The following SSBP4 variants were observed in gnomAD, a reference collection of about 807,000 sequenced individuals.
The protein encoded by SSBP4 is single stranded DNA binding protein 4, also known as single-stranded DNA-binding protein 4.
Under a neutral mutation model 64.6 loss-of-function variants are expected in SSBP4, and 33 were observed. That is an observed-to-expected ratio of 0.51 (90% CI 0.39 to 0.68). The LOEUF (loss-of-function observed/expected upper bound fraction) is 0.68, where lower values mean the gene tolerates loss of function less well. Among genes scored for constraint, SSBP4 ranks in the 30% least tolerant of loss-of-function variants. The probability of loss-of-function intolerance (pLI) is 0.00; values close to 1 mark genes in which losing one functional copy is unlikely to be tolerated. For missense variants in SSBP4, 583 were observed against 566.8 expected, an observed-to-expected ratio of 1.03 and a Z score of -0.29; for synonymous variants, 243 against 224.0, an observed-to-expected ratio of 1.08 and a Z score of -0.76.
At chr19:18,432,240 T>C in intron 10 of SSBP4, 26 bp downstream of exon 10, 1 of 1,608,694 alleles carries the variant, frequency 6.2e-7, no homozygotes, top group Non-Finnish European at 8.5e-7. Flanking sequence ...ATCCTAGGAG[T>C]GTGCAGTTCG....
chr19:18,431,321 T>G, intron 5 of SSBP4, 32 bp from the exon 6 acceptor site: 1 of 369,190 alleles, frequency 2.7e-6, no homozygotes, highest in East Asian at 4.8e-5. Context: ...AGGGCCTCAC[T>G]CCCCCCCACC....
Position 18,433,812 on chromosome 19 carries a change from G to A in SSBP4, c.1123G>A (p.Glu375Lys), listed in dbSNP as rs1600375417. Residue 375 changes from glutamate to lysine, a missense_variant, in exon 17 of 18, where the codon GAA becomes AAA. By Grantham distance (56) the Glu-to-Lys change is moderately conservative (BLOSUM62 1). Coordinates refer to ENST00000270061, the MANE Select transcript of SSBP4 (RefSeq NM_032627.5). ...AGTFLHPFPSESYSPGMTMSV is the reference protein window; with the variant it reads ...AGTFLHPFPSKSYSPGMTMSV ...GACCTTCCTGCACCCGTTCCCGAGC[G>A]AAAGCGTAAGCGACTGCGTCGACTC... 1.4e-6 allele frequency: 2 copies of A among 1,383,988 alleles called. No individual in the cohort carries two copies. Among genetic ancestry groups the A allele is most frequent in the Non-Finnish European group, 1.9e-6 (2 of 1,068,518 alleles). The allele number at this position is 1,383,988 out of a possible 1,614,324, so 85.7% of individuals were successfully genotyped here.
intron 1 of SSBP4, among the ~76,000 whole-genome samples, chr19:18,422,556 G>C (rs1421125857): frequency 2.6e-5 from 4 of 152,222 alleles, no homozygotes; most frequent in African/African-American, 9.7e-5. Context: ...GGACACCAGG[G>C]CCCTGGAGAG....
intron 1 of SSBP4, among the ~76,000 whole-genome samples, chr19:18,422,624 C>G (rs1039321507): frequency 2.0e-5 from 3 of 152,200 alleles, no homozygotes; most frequent in Non-Finnish European, 4.4e-5. Context: ...AGAGGCAGCC[C>G]CAGGCCTCAG....
chr19:18,411,388 G>A, the SSBP4 span, among the ~76,000 whole-genome samples: 5 of 152,102 alleles, frequency 3.3e-5, no homozygotes, highest in Non-Finnish European at 5.9e-5. Flanking sequence ...CCAGCTACTC[G>A]GGAGGCTGAG....
At chr19:18,421,896 G>A (rs1025568571) in intron 1 of SSBP4, among the ~76,000 whole-genome samples, 8 of 152,192 alleles carry the variant, frequency 5.3e-5, no homozygotes, top group Non-Finnish European at 8.8e-5. Context: ...GGTGGCTCAC[G>A]CCTATAATCA....
chr19:18,416,325 G>C (rs1355817782), upstream of SSBP4, among the ~76,000 whole-genome samples: 1 of 151,982 alleles, frequency 6.6e-6, no homozygotes, highest in Admixed American at 6.5e-5. Context: ...GGTTTTTTTA[G>C]TTTTTAGTAA....
At chr19:18,413,405 G>A in the SSBP4 span, among the ~76,000 whole-genome samples, 1 of 152,066 alleles carries the variant, frequency 6.6e-6, no homozygotes. Context: ...GTAGAAATGG[G>A]GTTTCACCAT....
the SSBP4 span, among the ~76,000 whole-genome samples, chr19:18,409,462 C>G: frequency 6.6e-6 from 1 of 152,130 alleles, no homozygotes; most frequent in African/African-American, 2.4e-5. Flanking sequence ...GTTGGTATTA[C>G]AGGCGTGAGC....
chr19:18,407,625 G>A, the SSBP4 span, among the ~76,000 whole-genome samples: 6 of 150,840 alleles, frequency 4.0e-5, no homozygotes, highest in South Asian at 4.2e-4. Context: ...TAGAGACGGG[G>A]TTTCACTGTG....
In SSBP4 at chr19:18,427,697, G is replaced by A. The variant is rs1972958762; in HGVS notation, c.133-55G>A. On this transcript the variant is annotated intron_variant, in intron 2 of 17. Coordinates refer to ENST00000270061, the MANE Select transcript of SSBP4 (RefSeq NM_032627.5). The surrounding 1 kb of genome is among the most constrained non-coding windows in gnomAD (Gnocchi z 4.4). ...AGATGTTCTCTGGGCACCCTGCTGG[G>A]TGGTGGGGCAGGGTCAGGTAGGGCC... is the stretch of plus-strand genomic sequence containing the variant. 1.3e-6 allele frequency: 2 copies of A among 1,532,678 alleles called. No homozygotes were observed. The highest frequency in any genetic ancestry group is 1.9e-5 in the Admixed American group (1 of 52,896). The allele number at this position is 1,532,678 out of a possible 1,614,324, so 94.9% of individuals were successfully genotyped here.
rs1973514736 is a variant in SSBP4 at position 18,432,619 on chromosome 19, G to T, written c.750+15G>T. ...GTGGAAACTCGGTGAGCCTATGGCTGGGTGGGCAGGCTTGGGGTGGGGTGG... is the reference window on the plus strand; with the variant it reads ...GTGGAAACTCGGTGAGCCTATGGCTTGGTGGGCAGGCTTGGGGTGGGGTGG... On this transcript the variant is annotated intron_variant, in intron 11 of 17. Coordinates refer to ENST00000270061, the MANE Select transcript of SSBP4 (RefSeq NM_032627.5). The T allele has an allele frequency of 3.8e-6, 6 of 1,559,732 alleles. No homozygotes were observed. Among genetic ancestry groups the T allele is most frequent in the Non-Finnish European group, 4.4e-6 (5 of 1,149,080 alleles).
At chr19:18,414,041 C>T (rs779879364), upstream of SSBP4, among the ~76,000 whole-genome samples, 4 of 149,904 alleles carry the variant, frequency 2.7e-5, no homozygotes, top group Non-Finnish European at 4.4e-5. Context: ...ACAAAAAAAA[C>T]GGCATTCCCT....
Position 18,423,969 on chromosome 19 carries a change from T to C in SSBP4, c.60-3382T>C, listed in dbSNP as rs1972653635. ...CCCCAACCGGTGGCGCCCCCAGACC[T>C]GGCCCCCGGAGCAGTCCTCTGGGAG... On this transcript the variant is annotated intron_variant, in intron 1 of 17. Transcript: ENST00000270061. This position sits in a 1 kb window ranked among gnomAD's most constrained non-coding sequence, Gnocchi z 4.0. Among the ~76,000 whole-genome samples the C allele has an allele frequency of 6.6e-6, 1 of 152,144 alleles. No individual in the cohort carries two copies. The highest frequency in any genetic ancestry group is 1.5e-5 in the Non-Finnish European group (1 of 68,016).
At chr19:18,404,708 C>A in the SSBP4 span, among the ~76,000 whole-genome samples, 1 of 149,906 alleles carries the variant, frequency 6.7e-6, no homozygotes, top group African/African-American at 2.5e-5. Context: ...CTGGCTAACA[C>A]GGTGAAACCC....
rs747862831 is a variant in SSBP4, at chr19:18,433,651, GGGGGGTGGCGGGGA to G, written c.1020+44_1021-40del. 1.6e-5 allele frequency: 23 copies of G among 1,427,890 alleles called. No homozygotes were observed. In the African/African-American group the frequency reaches 3.4e-4, roughly 21 times the overall value. 88.5% of individuals were successfully genotyped at this position (1,427,890 alleles called of 1,614,324 possible). On this transcript the variant is annotated intron_variant, in intron 16 of 17. Transcript: ENST00000270061. ...CGCTCTTGCCGGGGGTGGGATCCGG[GGGGGGTGGCGGGGA>G]GGGGGCGGGGCGGGGAGTTGCGAGC...
At chr19:18,403,165 T>G in the SSBP4 span, among the ~76,000 whole-genome samples, 1 of 152,206 alleles carries the variant, frequency 6.6e-6, no homozygotes, top group Non-Finnish European at 1.5e-5. Flanking sequence ...GCACAGTACC[T>G]GCTCTTGAAC....
At chr19:18,420,925 C>T (rs1288622999) in intron 1 of SSBP4, among the ~76,000 whole-genome samples, 2 of 151,956 alleles carry the variant, frequency 1.3e-5, no homozygotes, top group African/African-American at 2.4e-5. Flanking sequence ...GGGGGACTTC[C>T]AGGATCCTTG....
chr19:18,403,596 G>A, the SSBP4 span, among the ~76,000 whole-genome samples: 1 of 151,424 alleles, frequency 6.6e-6, no homozygotes, highest in South Asian at 2.1e-4. Context: ...GGGGACTGAG[G>A]GTCCTGGGCT....
Sources: allele counts gnomAD v4.1 joint callset (sites outside exome capture counted in the v4.1 genomes callset), GRCh38; gene constraint gnomAD v4.1.1; non-coding constraint Gnocchi (gnomAD v3.1); transcripts MANE v1.5; gene names NCBI Gene and HGNC (gene_info 2026-07-23, HGNC 2026-07-21).